Variants in ZEB1 observed in about 807,000 individuals in gnomAD.
ZEB1 encodes zinc finger E-box binding homeobox 1, also known as zinc finger E-box-binding homeobox 1.
In ZEB1, 21 loss-of-function variants were observed where a neutral mutation model predicts 84.9. The ratio of observed to expected loss-of-function variants is 0.25; its 90% CI spans 0.18 to 0.36. ZEB1 has a LOEUF of 0.36. ZEB1 is among the 10% of genes least tolerant of loss of function. ZEB1 has a pLI of 1.00. For missense variants in ZEB1, 1,104 were observed against 1,330.2 expected (o/e 0.83, Z 2.65); for synonymous variants, 420 against 471.1 (o/e 0.89, Z 1.41).
At chr10:31,448,931 T>G (rs7080658) in intron 1 of ZEB1, among the ~76,000 whole-genome samples, 1,612 of 152,352 alleles carry the variant, frequency 0.011, 27 homozygotes, top group African/African-American at 0.037. Flanking sequence ...TGAGCTGTGG[T>G]GGGCTCCACC....
chr10:31,452,979 C>T (rs1045363560), intron 1 of ZEB1, among the ~76,000 whole-genome samples: 16 of 152,100 alleles, frequency 1.1e-4, no homozygotes, highest in African/African-American at 3.4e-4. Context: ...ATGTATTTTT[C>T]TAGTTATTTC....
At chr10:31,524,671 A>T (rs777519660) in intron 8 of ZEB1, among the ~76,000 whole-genome samples, 2 of 151,844 alleles carry the variant, frequency 1.3e-5, no homozygotes, top group Non-Finnish European at 2.9e-5. Flanking sequence ...CACAGCATTT[A>T]TTCTGTCCGC....
intron 6 of ZEB1, among the ~76,000 whole-genome samples, chr10:31,518,006 T>C (rs1212002011): frequency 2.0e-5 from 3 of 152,148 alleles, no homozygotes; most frequent in Non-Finnish European, 4.4e-5. Context: ...TTCCCTTACG[T>C]ACCATTTCTG....
chr10:31,366,968 A>C (rs1487001967), intron 1 of ZEB1, among the ~76,000 whole-genome samples: 2 of 152,130 alleles, frequency 1.3e-5, no homozygotes, highest in Non-Finnish European at 2.9e-5. Context: ...TAATTGCTCT[A>C]CTCACAAATA....
At chr10:31,518,783 G>A (rs1336132480) in intron 6 of ZEB1, among the ~76,000 whole-genome samples, 2 of 152,078 alleles carry the variant, frequency 1.3e-5, no homozygotes, top group South Asian at 4.1e-4. Context: ...GCAGAGATTA[G>A]CTGGTGTCAA....
chr10:31,366,780 CCTAA>C (rs1347456468), intron 1 of ZEB1, among the ~76,000 whole-genome samples: 1 of 152,080 alleles, frequency 6.6e-6, no homozygotes, highest in Non-Finnish European at 1.5e-5. Flanking sequence ...TCCTATCGAC[CCTAA>C]CTAAAATCTC....
intron 1 of ZEB1, among the ~76,000 whole-genome samples, chr10:31,441,221 G>A (rs2058933314): frequency 6.6e-6 from 1 of 152,122 alleles, no homozygotes; most frequent in Non-Finnish European, 1.5e-5. Context: ...ATAGACCAAT[G>A]GAACAGAACA....
rs1395317276 is a variant in ZEB1, at chr10:31,527,713, T to C, written c.*449T>C. 2 of 163,644 alleles carry C rather than the reference T, an allele frequency of 1.2e-5. No homozygotes were observed. Among genetic ancestry groups the C allele is most frequent in the East Asian group, 1.7e-4 (1 of 5,778 alleles). 10.1% of individuals were successfully genotyped at this position (163,644 alleles called of 1,614,324 possible). A position where few individuals can be genotyped will look rare whatever the true frequency, so the allele number is the denominator to read the frequency against. On this transcript the variant is annotated 3_prime_UTR_variant, in exon 9 of 9. Coordinates refer to ENST00000424869, the MANE Select transcript of ZEB1 (RefSeq NM_001174096.2). ...TTATAATTTTTTATTGGTAAACATATGCTAAATCCGCTTCAGTATTTTATT... is the reference window on the plus strand; with the variant it reads ...TTATAATTTTTTATTGGTAAACATACGCTAAATCCGCTTCAGTATTTTATT...
At chr10:31,511,299 G>C (rs1565170274) in intron 5 of ZEB1, among the ~76,000 whole-genome samples, 1 of 152,118 alleles carries the variant, frequency 6.6e-6, no homozygotes. Context: ...CTTTGAACCA[G>C]TTACTATTTA....
intron 1 of ZEB1, among the ~76,000 whole-genome samples, chr10:31,332,236 C>T (rs748702432): frequency 2.0e-5 from 3 of 152,134 alleles, no homozygotes; most frequent in African/African-American, 4.8e-5. Context: ...AGCAGCCTTA[C>T]GTTATAGTGG....
intron 4 of ZEB1, among the ~76,000 whole-genome samples, chr10:31,505,832 G>C (rs1412617752): frequency 6.8e-6 from 1 of 147,474 alleles, no homozygotes; most frequent in East Asian, 2.0e-4. Context: ...AGTTCTTGAG[G>C]CACATTGTTA....
chr10:31,508,907 ATTAG>A (rs1270043919), intron 4 of ZEB1, among the ~76,000 whole-genome samples: 1 of 152,116 alleles, frequency 6.6e-6, no homozygotes, highest in African/African-American at 2.4e-5. Flanking sequence ...TGCTGAGGAA[ATTAG>A]GGTCGCTGCC....
chr10:31,503,328 T>C (rs1272085615), intron 4 of ZEB1, among the ~76,000 whole-genome samples: 4 of 152,180 alleles, frequency 2.6e-5, no homozygotes, highest in Admixed American at 2.6e-4. Context: ...ATTCATTACT[T>C]TCAGATATTT....
At chr10:31,436,991 T>C (rs2058368526) in intron 1 of ZEB1, among the ~76,000 whole-genome samples, 1 of 152,174 alleles carries the variant, frequency 6.6e-6, no homozygotes, top group Admixed American at 6.5e-5. Context: ...CCACAGATGA[T>C]TTTAATTCAC....
At chr10:31,363,261 A>G in intron 1 of ZEB1, 1 of 1,533,352 alleles carries the variant, frequency 6.5e-7, no homozygotes, top group Non-Finnish European at 8.7e-7. Context: ...GAACTGGGGC[A>G]GGGAGCACTG....
At chr10:31,339,745 A>C (rs2038978094) in intron 1 of ZEB1, among the ~76,000 whole-genome samples, 1 of 151,332 alleles carries the variant, frequency 6.6e-6, no homozygotes, top group Non-Finnish European at 1.5e-5. Context: ...CTCCAGCGAC[A>C]GAGAGAGACT....
chr10:31,440,695 C>A (rs979525296), intron 1 of ZEB1, among the ~76,000 whole-genome samples: 2 of 152,154 alleles, frequency 1.3e-5, no homozygotes, highest in African/African-American at 4.8e-5. Flanking sequence ...AGCTGATAAG[C>A]AACTTCAGCA....
intron 1 of ZEB1, among the ~76,000 whole-genome samples, chr10:31,435,745 C>T (rs2058218115): frequency 6.6e-6 from 1 of 152,282 alleles, no homozygotes; most frequent in Middle Eastern, 3.4e-3. Context: ...AATGTGGAGC[C>T]TTGCAGGAAT....
At chr10:31,481,526 AGCGG>A (rs2065037550) in intron 2 of ZEB1, among the ~76,000 whole-genome samples, 1 of 152,032 alleles carries the variant, frequency 6.6e-6, no homozygotes, top group African/African-American at 2.4e-5. Context: ...TTTCAGGTGC[AGCGG>A]CATGCACCTG....
Sources: gnomAD v4.1 joint callset for allele counts (sites outside exome capture counted in the v4.1 genomes callset) on GRCh38, gnomAD v4.1.1 for gene constraint, MANE v1.5 for transcripts, NCBI Gene and HGNC (gene_info 2026-07-23, HGNC 2026-07-21) for gene names.